Variants in PTPRN2 observed in about 807,000 individuals in gnomAD.
PTPRN2 encodes the protein protein tyrosine phosphatase receptor type N2.
Under a neutral mutation model 118.8 loss-of-function variants are expected in PTPRN2, and 74 were observed. The ratio of observed to expected loss-of-function variants is 0.62; its 90% CI spans 0.52 to 0.76. PTPRN2 has a LOEUF of 0.76. Among genes scored for constraint, PTPRN2 ranks in the 30% least tolerant of loss-of-function variants. The probability of loss-of-function intolerance (pLI) is 0.00; values close to 1 mark genes in which losing one functional copy is unlikely to be tolerated. For missense variants in PTPRN2, 1,481 were observed against 1,394.4 expected (o/e 1.06, Z -0.99); for synonymous variants, 641 against 608.0 (o/e 1.05, Z -0.80).
intron 12 of PTPRN2, chr7:157,865,685 G>A (rs1234031383): frequency 6.6e-6 from 1 of 152,228 alleles, no homozygotes; most frequent in Admixed American, 6.5e-5. Flanking sequence ...CCTTATCTGT[G>A]TTTCCAGTGG....
chr7:158,276,384 A>G (rs192143746), intron 3 of PTPRN2, among the ~76,000 whole-genome samples: 35 of 3,810 alleles, frequency 9.2e-3, no homozygotes, highest in East Asian at 0.022. Context: ...CCCCGGCCCC[A>G]ACAGGCTGTA....
chr7:158,175,416 G>A (rs950215310), intron 5 of PTPRN2, among the ~76,000 whole-genome samples: 1 of 152,154 alleles, frequency 6.6e-6, no homozygotes, highest in Non-Finnish European at 1.5e-5. Context: ...GCCTTAGAGA[G>A]GTGATTCTGG....
chr7:158,258,809 C>T (rs1797198669), intron 3 of PTPRN2, among the ~76,000 whole-genome samples: 1 of 152,122 alleles, frequency 6.6e-6, no homozygotes, highest in East Asian at 1.9e-4. Context: ...TAGGGAGGAA[C>T]ATTTGGGGAT....
chr7:157,732,027 C>T (rs112011185), intron 12 of PTPRN2, among the ~76,000 whole-genome samples: 1 of 94,240 alleles, frequency 1.1e-5, no homozygotes, highest in African/African-American at 4.0e-5. Context: ...GCACAGTTAC[C>T]CTTTTCCGCC....
At chr7:158,401,022 C>A in intron 2 of PTPRN2, among the ~76,000 whole-genome samples, 1 of 152,152 alleles carries the variant, frequency 6.6e-6, no homozygotes, top group Non-Finnish European at 1.5e-5. Context: ...GTGGCCAAGG[C>A]CGCTCATCAC....
intron 2 of PTPRN2, among the ~76,000 whole-genome samples, chr7:158,373,056 G>A (rs1456492506): frequency 6.6e-6 from 1 of 152,224 alleles, no homozygotes; most frequent in Non-Finnish European, 1.5e-5. Flanking sequence ...ACGGCCGAAG[G>A]TTCCACCCAG....
In PTPRN2 at chr7:157,749,312, G is replaced by A. The variant is rs113033159; in HGVS notation, c.1789-66375C>T. On this transcript the variant is annotated intron_variant, in intron 12 of 22. Coordinates refer to ENST00000389418, the MANE Select transcript of PTPRN2 (RefSeq NM_002847.5). ...TCTGAGGCCTGCGTCCCTGAGGTGC[G>A]GGGTGTCTGGGTGATTCTGAGGCCT... 9.0e-5 allele frequency among the ~76,000 whole-genome samples: 13 copies of A among 144,622 alleles called. 1 individual carries two copies. Among genetic ancestry groups the A allele is most frequent in the African/African-American group, 3.2e-4 (12 of 37,732 alleles). 94.9% of individuals were successfully genotyped at this position (144,622 alleles called of 152,430 possible).
intron 5 of PTPRN2, among the ~76,000 whole-genome samples, chr7:158,185,888 G>A (rs1354687684): frequency 6.6e-6 from 1 of 152,116 alleles, no homozygotes; most frequent in Non-Finnish European, 1.5e-5. Context: ...TCCCACCCTG[G>A]CTTTCTGCAC....
intron 2 of PTPRN2, among the ~76,000 whole-genome samples, chr7:158,435,281 G>A (rs1289521962): frequency 2.6e-5 from 4 of 152,078 alleles, no homozygotes; most frequent in African/African-American, 7.2e-5. Context: ...TTTTTTAAAC[G>A]GGCAAAAGGA....
At chr7:157,810,554 C>G (rs377089874) in intron 12 of PTPRN2, among the ~76,000 whole-genome samples, 1 of 94,376 alleles carries the variant, frequency 1.1e-5, no homozygotes, top group African/African-American at 4.4e-5. Context: ...ACGGGGACGG[C>G]GGGACTGCTG....
chr7:157,760,070 T>C (rs1436192290), intron 12 of PTPRN2, among the ~76,000 whole-genome samples: 3 of 152,184 alleles, frequency 2.0e-5, no homozygotes, highest in African/African-American at 7.2e-5. Flanking sequence ...GCCGCCAGGG[T>C]GCTGTCCCCC....
At chr7:158,260,498 C>A (rs796515350) in intron 3 of PTPRN2, among the ~76,000 whole-genome samples, 27 of 152,196 alleles carry the variant, frequency 1.8e-4, no homozygotes, top group African/African-American at 6.3e-4. Flanking sequence ...CTTCAGAAGG[C>A]CTAGAAAAAG....
intron 1 of PTPRN2, among the ~76,000 whole-genome samples, chr7:158,498,756 G>A (rs1016491186): frequency 1.3e-5 from 2 of 152,234 alleles, no homozygotes; most frequent in East Asian, 3.8e-4. Flanking sequence ...GGTGCAGGTA[G>A]CCAGGCTATG....
intron 12 of PTPRN2, among the ~76,000 whole-genome samples, chr7:157,791,113 G>A (rs1028128440): frequency 2.6e-5 from 4 of 152,214 alleles, no homozygotes; most frequent in African/African-American, 9.7e-5. Context: ...GTGCATGTAT[G>A]TGTATGAGAA....
At chr7:158,500,914 C>T (rs903621507) in intron 1 of PTPRN2, among the ~76,000 whole-genome samples, 2 of 152,232 alleles carry the variant, frequency 1.3e-5, no homozygotes, top group African/African-American at 4.8e-5. Context: ...TGCTGCTGGG[C>T]CGCGCTCCTC....
At chr7:158,383,109 C>A (rs1025485675) in intron 2 of PTPRN2, among the ~76,000 whole-genome samples, 2 of 152,140 alleles carry the variant, frequency 1.3e-5, no homozygotes, top group African/African-American at 2.4e-5. Context: ...AACATTAAGG[C>A]TCCTATTAAC....
rs938244821 is a variant in PTPRN2, at chr7:157,764,176, C to T, written c.1789-81239G>A. On this transcript the variant is annotated intron_variant, in intron 12 of 22. Transcript: ENST00000389418. The surrounding 1 kb of genome is among the most constrained non-coding windows in gnomAD (Gnocchi z 4.5). ...CATGATGCAGTCGCTGTTAGTGGGTCCTCAAAAAACTAACCACAGAATCAG... is the reference window on the plus strand; with the variant it reads ...CATGATGCAGTCGCTGTTAGTGGGTTCTCAAAAAACTAACCACAGAATCAG... 2.8e-4 allele frequency among the ~76,000 whole-genome samples: 42 copies of T among 152,160 alleles called. No homozygotes were observed. Among genetic ancestry groups the T allele is most frequent in the Non-Finnish European group, 4.7e-4 (32 of 68,034 alleles).
At chr7:157,807,896 C>T (rs1413503013) in intron 12 of PTPRN2, among the ~76,000 whole-genome samples, 1 of 152,200 alleles carries the variant, frequency 6.6e-6, no homozygotes, top group Non-Finnish European at 1.5e-5. Flanking sequence ...CGTGGGTTAC[C>T]CTACCAAATC....
At chr7:158,386,263 T>C (rs1485383808) in intron 2 of PTPRN2, among the ~76,000 whole-genome samples, 11 of 79,158 alleles carry the variant, frequency 1.4e-4, no homozygotes, top group East Asian at 4.2e-4. Flanking sequence ...TCCCATGCCC[T>C]GAGTCCCTCC....
Sources: allele counts gnomAD v4.1 joint callset (sites outside exome capture counted in the v4.1 genomes callset), GRCh38; gene constraint gnomAD v4.1.1; non-coding constraint Gnocchi (gnomAD v3.1); transcripts MANE v1.5; gene names NCBI Gene and HGNC (gene_info 2026-07-23, HGNC 2026-07-21).